The following SPOCK1 variants were observed in gnomAD, a reference collection of about 807,000 sequenced individuals.
SPOCK1 encodes the protein testican-1.
A neutral mutation model predicts 55.3 loss-of-function variants in SPOCK1; 23 were observed. The observed-to-expected ratio is 0.42, with a 90% CI of 0.30 to 0.59. The LOEUF is 0.59. Among genes scored for constraint, SPOCK1 ranks in the 20% least tolerant of loss-of-function variants. The pLI is 0.22. For missense variants in SPOCK1, 499 were observed against 552.5 expected, an observed-to-expected ratio of 0.90 and a Z score of 0.97; for synonymous variants, 226 against 221.0, an observed-to-expected ratio of 1.02 and a Z score of -0.20.
chr5:137,061,510 C>G (rs576408175), intron 6 of SPOCK1, among the ~76,000 whole-genome samples: 1 of 152,320 alleles, frequency 6.6e-6, no homozygotes, highest in African/African-American at 2.4e-5. Context: ...TCCTCTTTAG[C>G]ATGCCCTGTT....
intron 5 of SPOCK1, among the ~76,000 whole-genome samples, chr5:137,093,964 G>A (rs932043510): frequency 2.0e-5 from 3 of 152,204 alleles, no homozygotes; most frequent in Non-Finnish European, 2.9e-5. Context: ...GGCAAACACT[G>A]ATGGAAACAG....
chr5:137,197,491 G>T (rs886448639), intron 3 of SPOCK1, among the ~76,000 whole-genome samples: 2 of 152,122 alleles, frequency 1.3e-5, no homozygotes, highest in African/African-American at 4.8e-5. Flanking sequence ...ATATCTACCT[G>T]CCAAGGCTGC....
chr5:137,022,205 G>A (rs559971062), intron 6 of SPOCK1, among the ~76,000 whole-genome samples: 34 of 152,204 alleles, frequency 2.2e-4, no homozygotes, highest in African/African-American at 7.9e-4. Context: ...GCCTGTCTCT[G>A]GACACTTGCC....
chr5:137,266,339 G>C (rs1756851408), intron 3 of SPOCK1, among the ~76,000 whole-genome samples: 1 of 152,130 alleles, frequency 6.6e-6, no homozygotes, highest in South Asian at 2.1e-4. Flanking sequence ...ACCACACATG[G>C]AACAACGGGG....
intron 6 of SPOCK1, among the ~76,000 whole-genome samples, chr5:137,028,826 A>G (rs1751725719): frequency 2.0e-5 from 3 of 152,268 alleles, no homozygotes; most frequent in Admixed American, 6.5e-5. Context: ...AATAGGAAAA[A>G]AGAAAAAAGT....
rs117990513 is a variant in SPOCK1 at position 137,414,332 on chromosome 5, C to T, written c.186+84041G>A. Among the ~76,000 whole-genome samples the T allele has an allele frequency of 6.6e-5, 10 of 152,296 alleles. No homozygotes were observed. In the South Asian group the frequency reaches 2.1e-3, roughly 32 times the overall value. ...AGACATGCCTGTCCTTTGTCACTAA[C>T]CACCTTTCAAGCTTCCCCTTCTGCT... On this transcript the variant is annotated intron_variant, in intron 2 of 10. Coordinates refer to ENST00000394945, the MANE Select transcript of SPOCK1 (RefSeq NM_004598.4).
chr5:137,105,810 G>A lies in SPOCK1; in HGVS notation c.474+6625C>T, dbSNP rs557589012. On this transcript the variant is annotated intron_variant, in intron 5 of 10. Transcript: ENST00000394945. The stretch of plus-strand genomic sequence containing the variant: ...TAACTCTGCGTCTCTCTTCTGTGTC[G>A]AGACATAATTGAGCCATTTGCTAAT... Among the ~76,000 whole-genome samples, 7 of 152,266 alleles carry A rather than the reference G, an allele frequency of 4.6e-5. No homozygotes were observed. In the South Asian group the frequency reaches 1.2e-3, roughly 27 times the overall value.
chr5:137,122,468 T>C (rs1299071258), intron 4 of SPOCK1, among the ~76,000 whole-genome samples: 1 of 152,208 alleles, frequency 6.6e-6, no homozygotes, highest in Non-Finnish European at 1.5e-5. Flanking sequence ...AGAAAAGAAA[T>C]TGTTCCTTTT....
At chr5:137,292,417 T>C (rs559140308) in intron 2 of SPOCK1, among the ~76,000 whole-genome samples, 3 of 117,266 alleles carry the variant, frequency 2.6e-5, no homozygotes, top group Non-Finnish European at 4.9e-5. Context: ...GTCCATTCAC[T>C]GGTGTAGTTA....
intron 5 of SPOCK1, among the ~76,000 whole-genome samples, chr5:137,098,769 T>C (rs1003208045): frequency 1.3e-5 from 2 of 152,242 alleles, no homozygotes; most frequent in African/African-American, 4.8e-5. Flanking sequence ...TTAGAGACTT[T>C]GCATCGTTTA....
At chr5:137,236,761 C>T (rs1427366775) in intron 3 of SPOCK1, among the ~76,000 whole-genome samples, 7 of 152,162 alleles carry the variant, frequency 4.6e-5, no homozygotes, top group Admixed American at 3.9e-4. Context: ...ATCAATTCCC[C>T]ACTGGTCACA....
chr5:137,232,638 T>C (rs896793029), intron 3 of SPOCK1, among the ~76,000 whole-genome samples: 4 of 152,228 alleles, frequency 2.6e-5, no homozygotes, highest in Non-Finnish European at 4.4e-5. Context: ...TTATTCTTCT[T>C]TGTCAAAATC....
At chr5:137,172,396 A>G (rs372809418) in intron 3 of SPOCK1, among the ~76,000 whole-genome samples, 2 of 152,146 alleles carry the variant, frequency 1.3e-5, no homozygotes, top group South Asian at 4.1e-4. Flanking sequence ...ATGGTGAGCG[A>G]AAGAGTCACA....
intron 5 of SPOCK1, among the ~76,000 whole-genome samples, chr5:137,102,950 T>C (rs1043642602): frequency 1.7e-4 from 26 of 152,334 alleles, no homozygotes; most frequent in African/African-American, 6.3e-4. Context: ...TAGTGATTGC[T>C]GGATAACCCC....
At position 137,498,453 on chromosome 5, in the gene SPOCK1, C is replaced by T. The variant is rs200001053; in HGVS notation, c.106G>A (p.Gly36Ser). The change falls in exon 2 of 11, where the codon GGC (glycine) becomes AGC (serine). Residue 36 changes from glycine to serine, a missense_variant. Transcript: ENST00000394945. ...ALAGGAGPNH[G>S]NFLDNDQWLS... ...CACTGGTCATTGTCTAGGAAATTGC[C>T]GTGGTTGGGGCCCGCGCCTCCGGCG... 5 of 1,610,768 alleles carry T rather than the reference C, an allele frequency of 3.1e-6. No homozygotes were observed. In the East Asian group the frequency reaches 6.7e-5, roughly 22 times the overall value.
At chr5:137,159,989 T>G (rs1031621743) in intron 3 of SPOCK1, among the ~76,000 whole-genome samples, 3 of 152,102 alleles carry the variant, frequency 2.0e-5, no homozygotes, top group Non-Finnish European at 4.4e-5. Flanking sequence ...CATAAGTTAT[T>G]GAGGGACTGG....
chr5:137,031,134 C>A (rs115389598), intron 6 of SPOCK1, among the ~76,000 whole-genome samples: 5 of 152,262 alleles, frequency 3.3e-5, no homozygotes, highest in South Asian at 2.1e-4. Context: ...CTCAAATTTG[C>A]GTGGGACTCT....
At chr5:137,060,742 C>A (rs544119367) in intron 6 of SPOCK1, among the ~76,000 whole-genome samples, 1 of 152,120 alleles carries the variant, frequency 6.6e-6, no homozygotes, top group Non-Finnish European at 1.5e-5. Flanking sequence ...TGGTTCCGAC[C>A]GCAGCTACCC....
intron 5 of SPOCK1, among the ~76,000 whole-genome samples, chr5:137,073,572 C>T (rs1752658924): frequency 6.6e-6 from 1 of 152,188 alleles, no homozygotes; most frequent in Non-Finnish European, 1.5e-5. Context: ...CTCTCTCCCT[C>T]TGTGTGGTAC....
Sources: allele counts gnomAD v4.1 joint callset (sites outside exome capture counted in the v4.1 genomes callset), GRCh38; gene constraint gnomAD v4.1.1; transcripts MANE v1.5; gene names NCBI Gene and HGNC (gene_info 2026-07-23, HGNC 2026-07-21).